ZNF556: variants seen among roughly 807,000 people sequenced by gnomAD.
The protein encoded by ZNF556 is zinc finger protein 556.
Under a neutral mutation model 13.6 loss-of-function variants are expected in ZNF556, and 11 were observed. The observed-to-expected ratio is 0.81, with a 90% CI of 0.51 to 1.33. The LOEUF (loss-of-function observed/expected upper bound fraction) is 1.33, where lower values mean the gene tolerates loss of function less well. Ranked by LOEUF, ZNF556 falls within the 40% of genes most tolerant of loss-of-function variation. The pLI, the probability that ZNF556 is intolerant of heterozygous loss-of-function variation, is 0.00. For synonymous variants in ZNF556, 229 were observed against 207.8 expected (o/e 1.10, Z -0.88); for missense variants, 633 against 566.2 (o/e 1.12, Z -1.20).
Position 2,877,434 on chromosome 19 carries a change from C to T in ZNF556, c.476C>T (p.Ser159Phe). Reference protein sequence around the residue: ...CSQCGKLFTHSSSLIRHKRAH... With the variant: ...CSQCGKLFTHFSSLIRHKRAH... Reference sequence around the variant, plus strand: ...CAGTGTGGAAAACTCTTCACCCATTCCTCATCCCTGATAAGGCACAAAAGA... The same window carrying T: ...CAGTGTGGAAAACTCTTCACCCATTTCTCATCCCTGATAAGGCACAAAAGA... The change falls in exon 4 of 4, where the codon TCC becomes TTC. Residue 159 changes from serine (S) to phenylalanine (F), a missense_variant. Physicochemically the swap from Ser to Phe is radical, Grantham distance 155 (BLOSUM62 -2). Coordinates refer to ENST00000307635, the MANE Select transcript of ZNF556 (RefSeq NM_024967.3). 6.2e-7 allele frequency: 1 copy of T among 1,614,150 alleles called. No homozygotes were observed. The highest frequency in any genetic ancestry group is 8.5e-7 in the Non-Finnish European group (1 of 1,180,034).
intron 1 of ZNF556, among the ~76,000 whole-genome samples, chr19:2,868,100 C>CA (rs1017855998): frequency 2.0e-5 from 3 of 149,050 alleles, no homozygotes; most frequent in Admixed American, 6.7e-5. Flanking sequence ...TCTAGCGTGC[C>CA]TTTTTTTTTT....
intron 2 of ZNF556, chr19:2,875,386 G>C (rs1038182388): frequency 6.6e-6 from 1 of 151,698 alleles, no homozygotes; most frequent in Non-Finnish European, 1.5e-5. Flanking sequence ...GTAGAGACAG[G>C]GTTTCACCAT....
chr19:2,873,739 A>C, intron 2 of ZNF556, 117 bp downstream of exon 2: 1 of 1,288,704 alleles, frequency 7.8e-7, no homozygotes, highest in Non-Finnish European at 1.1e-6. Context: ...GGATCACTTG[A>C]GGCTAGGAGT....
chr19:2,882,531 A>ATATATATATAGTGTGTGTGT lies in ZNF556; in HGVS notation c.*4202_*4203insTATATATATAGTGTGTGTGT, dbSNP rs57053138. ...ATACATTTTATATATATATATATAT[A>ATATATATATAGTGTGTGTGT]GTGTGTGTGTGTGTGTGTGTGTGTG... On this transcript the variant is annotated 3_prime_UTR_variant, in exon 4 of 4. Transcript: ENST00000307635. The ATATATATATAGTGTGTGTGT allele has an allele frequency of 7.8e-6, 1 of 127,722 alleles. No homozygotes were observed. The highest frequency in any genetic ancestry group is 3.0e-5 in the African/African-American group (1 of 32,940). The allele number at this position is 127,722 out of a possible 1,614,324, so 7.9% of individuals were successfully genotyped here.
rs57053138 is a variant in ZNF556, at chr19:2,882,531, A to ATGT, written c.*4202_*4203insTGT. 3 of 127,722 alleles carry ATGT rather than the reference A, an allele frequency of 2.3e-5. No homozygotes were observed. The highest frequency in any genetic ancestry group is 9.1e-5 in the African/African-American group (3 of 32,940). The allele number at this position is 127,722 out of a possible 1,614,324, so 7.9% of individuals were successfully genotyped here. A position where few individuals can be genotyped will look rare whatever the true frequency, so the allele number is the denominator to read the frequency against. On this transcript the variant is annotated 3_prime_UTR_variant, in exon 4 of 4. Transcript: ENST00000307635. Reference sequence around the variant, plus strand: ...ATACATTTTATATATATATATATATAGTGTGTGTGTGTGTGTGTGTGTGTG... The same window carrying ATGT: ...ATACATTTTATATATATATATATATATGTGTGTGTGTGTGTGTGTGTGTGTGTG...
chr19:2,878,050 A>G lies in ZNF556; in HGVS notation c.1092A>G (p.Gln364=), dbSNP rs1266486918. ...RPRPSTDVKS[Q]TREKVYKCET... ...GCCCCTCCACAGATGTCAAATCACA[A>G]ACTAGAGAGAAAGTCTATAAATGTG... The change falls in exon 4 of 4, where the codon CAA becomes CAG. Residue 364 remains glutamine (Q), a synonymous_variant. Coordinates refer to ENST00000307635, the MANE Select transcript of ZNF556 (RefSeq NM_024967.3). The G allele has an allele frequency of 2.5e-6, 4 of 1,614,048 alleles. No homozygotes were observed. Among genetic ancestry groups the G allele is most frequent in the East Asian group, 2.2e-5 (1 of 44,890 alleles).
At chr19:2,874,555 T>C (rs2144888227) in intron 2 of ZNF556, among the ~76,000 whole-genome samples, 1 of 151,908 alleles carries the variant, frequency 6.6e-6, no homozygotes, top group South Asian at 2.1e-4. Flanking sequence ...CCATCCTGGC[T>C]AACATAGTGA....
In ZNF556 at chr19:2,867,723, AC is replaced by A. The variant is rs201114022; in HGVS notation, c.3+300del. On this transcript the variant is annotated intron_variant, in intron 1 of 3. Transcript: ENST00000307635. ...ACTAACCCAAAGTACAAAAAACAAA[AC>A]AAAAAAAAAAAAAACCTCACCCCAG... Among the ~76,000 whole-genome samples the A allele has an allele frequency of 2.7e-3, 400 of 146,352 alleles. 41 individuals carry two copies. The highest frequency in any genetic ancestry group is 7.1e-3 in the African/African-American group (273 of 38,606).
Position 2,870,856 on chromosome 19 carries a change from G to A in ZNF556, c.4-2640G>A, listed in dbSNP as rs572080085. 2.0e-5 allele frequency among the ~76,000 whole-genome samples: 3 copies of A among 151,214 alleles called. No homozygotes were observed. The East Asian group carries it at 5.9e-4, about 30-fold the overall frequency. On this transcript the variant is annotated intron_variant, in intron 1 of 3. Coordinates refer to ENST00000307635, the MANE Select transcript of ZNF556 (RefSeq NM_024967.3). ...AGATCGAGACTATCCTGGCTAACAC[G>A]GTGAAACCCTGTCTCTACTAAAAAT...
chr19:2,873,318 A>G lies in ZNF556; in HGVS notation c.4-178A>G, dbSNP rs187972062. Among the ~76,000 whole-genome samples, 283 of 152,324 alleles carry G rather than the reference A, an allele frequency of 1.9e-3. 2 individuals carry two copies. The highest frequency in any genetic ancestry group is 6.4e-3 in the African/African-American group (268 of 41,578). On this transcript the variant is annotated intron_variant, in intron 1 of 3. Coordinates refer to ENST00000307635, the MANE Select transcript of ZNF556 (RefSeq NM_024967.3). ...ATACAACTTTTATTTGTCAAAGACA[A>G]AAAAACCTACGACACAGGAAGTGAT...
chr19:2,868,239 GAGAA>G (rs1156977180), intron 1 of ZNF556, among the ~76,000 whole-genome samples: 7 of 152,004 alleles, frequency 4.6e-5, no homozygotes, highest in African/African-American at 1.4e-4. Context: ...AAGAATCGCA[GAGAA>G]AGAGAGAAAA....
rs1411057864 is a variant in ZNF556, at chr19:2,870,097, A to C, written c.3+2673A>C. 2.6e-5 allele frequency among the ~76,000 whole-genome samples: 4 copies of C among 152,106 alleles called. No homozygotes were observed. In the East Asian group the frequency reaches 7.7e-4, roughly 29 times the overall value. ...ATTGTATACTACATTCGCCATGATT[A>C]ATTTAAATTGGATCACATCTGAAAG... On this transcript the variant is annotated intron_variant, in intron 1 of 3. Transcript: ENST00000307635.
intron 1 of ZNF556, among the ~76,000 whole-genome samples, chr19:2,871,811 C>G (rs981573310): frequency 6.6e-6 from 1 of 152,106 alleles, no homozygotes; most frequent in Non-Finnish European, 1.5e-5. Flanking sequence ...TCGCAGAGAC[C>G]GGTAGTGGCC....
chr19:2,874,758 A>AAAAAAAAAAAAG (rs1555725942), intron 2 of ZNF556, among the ~76,000 whole-genome samples: 12 of 130,728 alleles, frequency 9.2e-5, no homozygotes, highest in East Asian at 6.7e-4. Context: ...AAAAAAAAAA[A>AAAAAAAAAAAAG]AAAGAAAGAA....
At chr19:2,872,171 G>A (rs1465671053) in intron 1 of ZNF556, among the ~76,000 whole-genome samples, 1 of 151,990 alleles carries the variant, frequency 6.6e-6, no homozygotes, top group African/African-American at 2.4e-5. Context: ...CTGCGGGCGG[G>A]CCTGACTGAT....
chr19:2,875,301 C>T (rs1006359451), intron 2 of ZNF556: 1 of 152,194 alleles, frequency 6.6e-6, no homozygotes, highest in Non-Finnish European at 1.5e-5. Context: ...TCACGCCATT[C>T]TCCTGCCTCA....
At chr19:2,876,390 G>A in intron 3 of ZNF556, 114 bp downstream of exon 3, 2 of 1,032,684 alleles carry the variant, frequency 1.9e-6, no homozygotes, top group Non-Finnish European at 1.4e-6. Context: ...AGGAGTTTGT[G>A]ACCAGCCTGA....
rs750894701 is a variant in ZNF556, at chr19:2,867,373, G to A, written c.-49G>A. ...TGTCCCCGTCGTGCTCACCTGCACC[G>A]GCTGCGAGGAGCAGGGAGCTCCTCA... On this transcript the variant is annotated 5_prime_UTR_variant, in exon 1 of 4. Coordinates refer to ENST00000307635, the MANE Select transcript of ZNF556 (RefSeq NM_024967.3). 20 of 1,568,952 alleles carry A rather than the reference G, an allele frequency of 1.3e-5. No individual in the cohort carries two copies. In the East Asian group the frequency reaches 1.6e-4, roughly 13 times the overall value.
chr19:2,869,480 C>T (rs2087784534), intron 1 of ZNF556, among the ~76,000 whole-genome samples: 1 of 152,192 alleles, frequency 6.6e-6, no homozygotes, highest in Non-Finnish European at 1.5e-5. Context: ...CATTCTCCTG[C>T]CTCAGCCTCC....
Sources: gnomAD v4.1 joint callset for allele counts (sites outside exome capture counted in the v4.1 genomes callset) on GRCh38, gnomAD v4.1.1 for gene constraint, MANE v1.5 for transcripts, NCBI Gene and HGNC (gene_info 2026-07-23, HGNC 2026-07-21) for gene names.